Variants in DAB1 observed in about 807,000 individuals in gnomAD.
DAB1 encodes the protein DAB adaptor protein 1.
In DAB1, 15 loss-of-function variants were observed where a neutral mutation model predicts 64.6. That is an observed-to-expected ratio of 0.23 (90% confidence interval 0.16 to 0.36). DAB1 has a LOEUF of 0.36. Among genes scored for constraint, DAB1 ranks in the 10% least tolerant of loss-of-function variants. DAB1 has a pLI of 1.00. For missense variants in DAB1, 596 were observed against 706.7 expected, an observed-to-expected ratio of 0.84 and a Z score of 1.78; for synonymous variants, 235 against 251.9, an observed-to-expected ratio of 0.93 and a Z score of 0.64.
At chr1:58,485,260 G>T (rs1645558211) in intron 3 of DAB1, among the ~76,000 whole-genome samples, 3 of 127,034 alleles carry the variant, frequency 2.4e-5, no homozygotes, top group South Asian at 2.6e-4. Context: ...AAAAAAAGCT[G>T]GCCTGGAAGT....
At chr1:57,875,751 A>G (rs921769860) in intron 1 of DAB1, among the ~76,000 whole-genome samples, 3 of 152,206 alleles carry the variant, frequency 2.0e-5, no homozygotes, top group Non-Finnish European at 4.4e-5. Context: ...CGTATTCTGA[A>G]GGGAATTCTC....
chr1:57,964,213 T>G (rs1232537037), intron 5 of DAB1, among the ~76,000 whole-genome samples: 1 of 152,182 alleles, frequency 6.6e-6, no homozygotes, highest in Non-Finnish European at 1.5e-5. Context: ...CATCATGCCC[T>G]GCAGTTTTAC....
At chr1:58,175,298 T>C (rs56257229) in intron 4 of DAB1, among the ~76,000 whole-genome samples, 28,649 of 152,058 alleles carry the variant, frequency 0.19, 2,896 homozygotes, top group East Asian at 0.37. Flanking sequence ...TTCACTCCTG[T>C]AGTCAGCGAG....
intron 4 of DAB1, among the ~76,000 whole-genome samples, chr1:58,159,226 T>C (rs1426031833): frequency 6.6e-6 from 1 of 152,168 alleles, no homozygotes; most frequent in African/African-American, 2.4e-5. Flanking sequence ...TTAAGTGAGA[T>C]AATACATGTA....
intron 5 of DAB1, among the ~76,000 whole-genome samples, chr1:57,912,923 A>G (rs1403208987): frequency 6.6e-6 from 1 of 152,184 alleles, no homozygotes; most frequent in Admixed American, 6.5e-5. Flanking sequence ...ACTACAAACC[A>G]CTGCTCAACG....
intron 3 of DAB1, among the ~76,000 whole-genome samples, chr1:58,463,881 G>A (rs1645268890): frequency 6.6e-6 from 1 of 152,226 alleles, no homozygotes; most frequent in Non-Finnish European, 1.5e-5. Context: ...TGTCCACTGG[G>A]ACCATCTGTG....
chr1:57,346,794 CA>C (rs370449120), intron 1 of DAB1, among the ~76,000 whole-genome samples: 74 of 152,292 alleles, frequency 4.9e-4, no homozygotes, highest in African/African-American at 1.8e-3. Context: ...GCCAAGTTTT[CA>C]AGATAGACTG....
At chr1:57,952,846 C>T (rs1456205515) in intron 5 of DAB1, among the ~76,000 whole-genome samples, 1 of 152,172 alleles carries the variant, frequency 6.6e-6, no homozygotes, top group African/African-American at 2.4e-5. Flanking sequence ...TGTTAATTGA[C>T]CAGCTGCACA....
At chr1:57,950,777 T>G (rs552620270) in intron 5 of DAB1, among the ~76,000 whole-genome samples, 5 of 152,260 alleles carry the variant, frequency 3.3e-5, no homozygotes, top group African/African-American at 9.6e-5. Flanking sequence ...ATCCTCTCTT[T>G]TAAATCAATA....
intron 6 of DAB1, among the ~76,000 whole-genome samples, chr1:57,787,363 C>A (rs906017927): frequency 1.3e-5 from 2 of 152,008 alleles, no homozygotes; most frequent in Admixed American, 1.3e-4. Flanking sequence ...CCAAAATAGA[C>A]CTGCACGTAT....
At chr1:57,405,276 A>T (rs1238499323) in intron 1 of DAB1, among the ~76,000 whole-genome samples, 1 of 152,226 alleles carries the variant, frequency 6.6e-6, no homozygotes, top group Non-Finnish European at 1.5e-5. Context: ...GAAGAGTTTG[A>T]TAAAGAAAAA....
In DAB1 at chr1:58,440,241, C is replaced by A. The variant is rs1173738755; in HGVS notation, n.257+65819G>T. 2.6e-5 allele frequency among the ~76,000 whole-genome samples: 4 copies of A among 152,330 alleles called. No individual in the cohort carries two copies. In the East Asian group the frequency reaches 7.7e-4, roughly 29 times the overall value. Reference sequence around the variant, plus strand: ...GCCTGCCTCTGCAGCTTACGCACTGCTTGGATTTGTGTAGTCATTTATTCA... The same window carrying A: ...GCCTGCCTCTGCAGCTTACGCACTGATTGGATTTGTGTAGTCATTTATTCA... On this transcript the variant is annotated intron_variant and non_coding_transcript_variant, in intron 3 of 20. Transcript: ENST00000485760.
rs142095339 is a variant in DAB1, at chr1:57,243,906, A to T, written c.67+47058T>A. 2.2e-3 allele frequency among the ~76,000 whole-genome samples: 341 copies of T among 152,256 alleles called. 1 individual carries two copies. The highest frequency in any genetic ancestry group is 8.0e-3 in the African/African-American group (334 of 41,506). ...TTTTGTAAACATTTGGAACCAATTC[A>T]TCCGTATCTCTTGCTATTCCTCCCA... On this transcript the variant is annotated intron_variant, in intron 2 of 14. Transcript: ENST00000371236.
intron 1 of DAB1, among the ~76,000 whole-genome samples, chr1:57,879,507 C>A (rs1375956854): frequency 1.3e-5 from 2 of 152,180 alleles, no homozygotes; most frequent in African/African-American, 2.4e-5. Flanking sequence ...GATTTACTCA[C>A]TCAAGGGTCC....
intron 7 of DAB1, among the ~76,000 whole-genome samples, chr1:57,617,755 C>T (rs769610979): frequency 6.6e-6 from 1 of 152,074 alleles, no homozygotes; most frequent in Non-Finnish European, 1.5e-5. Context: ...GTACTGAAAT[C>T]GAAGAAATTT....
chr1:57,903,926 T>C (rs1644512521), intron 5 of DAB1, among the ~76,000 whole-genome samples: 1 of 152,232 alleles, frequency 6.6e-6, no homozygotes, highest in South Asian at 2.1e-4. Flanking sequence ...GCTTGGACTT[T>C]ACATAAAATG....
intron 6 of DAB1, among the ~76,000 whole-genome samples, chr1:57,812,897 A>G (rs2101886729): frequency 6.6e-6 from 1 of 152,334 alleles, no homozygotes; most frequent in East Asian, 1.9e-4. Flanking sequence ...CCTTGTGGCC[A>G]CATCCTTAGT....
chr1:57,520,447 AG>A (rs1329063534), intron 7 of DAB1, among the ~76,000 whole-genome samples: 1 of 152,164 alleles, frequency 6.6e-6, no homozygotes, highest in Non-Finnish European at 1.5e-5. Context: ...ACAAAGATTA[AG>A]GGTCAATTTT....
chr1:57,205,047 G>A (rs1665427638), intron 2 of DAB1, among the ~76,000 whole-genome samples: 1 of 152,220 alleles, frequency 6.6e-6, no homozygotes, highest in Non-Finnish European at 1.5e-5. Flanking sequence ...ATTTGAGAGT[G>A]TTAATGGAAT....
Sources: gnomAD v4.1 joint callset for allele counts (sites outside exome capture counted in the v4.1 genomes callset) on GRCh38, gnomAD v4.1.1 for gene constraint, MANE v1.5 for transcripts, NCBI Gene and HGNC (gene_info 2026-07-23, HGNC 2026-07-21) for gene names.